Variants in MSH3 observed in about 807,000 individuals in gnomAD.
The protein encoded by MSH3 is DNA mismatch repair protein Msh3.
MSH3 carries 106 observed loss-of-function variants against 123.3 expected under a neutral mutation model. That is an observed-to-expected ratio of 0.86 (90% CI 0.73 to 1.01). MSH3 has a LOEUF of 1.01. Among genes scored for constraint, MSH3 ranks in the 50% least tolerant of loss-of-function variants. The probability of loss-of-function intolerance (pLI) is 0.00; values close to 1 mark genes in which losing one functional copy is unlikely to be tolerated. For missense variants in MSH3, 1,459 were observed against 1,347.6 expected, an observed-to-expected ratio of 1.08 and a Z score of -1.29; for synonymous variants, 515 against 481.4, an observed-to-expected ratio of 1.07 and a Z score of -0.91.
intron 4 of MSH3, among the ~76,000 whole-genome samples, chr5:80,670,965 T>C (rs1418583645): frequency 6.6e-6 from 1 of 151,498 alleles, no homozygotes; most frequent in Non-Finnish European, 1.5e-5. Flanking sequence ...ACTAAAAATA[T>C]TAAAAAAATT....
At chr5:80,865,947 T>C (rs1338752503) in intron 22 of MSH3, among the ~76,000 whole-genome samples, 1 of 152,170 alleles carries the variant, frequency 6.6e-6, no homozygotes, top group Admixed American at 6.5e-5. Flanking sequence ...GGAAGTAGTT[T>C]TGTATCTATT....
intron 2 of MSH3, among the ~76,000 whole-genome samples, chr5:80,663,581 CTT>C (rs1355172479): frequency 1.3e-5 from 2 of 151,178 alleles, no homozygotes; most frequent in Non-Finnish European, 2.9e-5. Context: ...GAGGGAAACT[CTT>C]TGTATAACAT....
intron 19 of MSH3, among the ~76,000 whole-genome samples, chr5:80,799,974 T>C (rs898217877): frequency 4.6e-5 from 7 of 152,250 alleles, no homozygotes; most frequent in Non-Finnish European, 1.0e-4. Context: ...GTTTGTCTTT[T>C]ATTTTTAGAT....
chr5:80,757,121 T>C (rs1349897002), intron 12 of MSH3, among the ~76,000 whole-genome samples: 1 of 152,010 alleles, frequency 6.6e-6, no homozygotes, highest in East Asian at 1.9e-4. Context: ...AGTAGGTCTA[T>C]ATATTAAGGG....
At position 80,707,904 on chromosome 5, in the gene MSH3, A is replaced by C. The variant is rs1234419767; in HGVS notation, c.1341-17549A>C. On this transcript the variant is annotated intron_variant, in intron 8 of 23. Coordinates refer to ENST00000265081, the MANE Select transcript of MSH3 (RefSeq NM_002439.5). ...TGTATGGTGTCATGTTTTATTTTTA[A>C]CTTGCTTTTTCTTGATGACTAGTGA... Among the ~76,000 whole-genome samples the C allele has an allele frequency of 5.3e-5, 8 of 152,190 alleles. No homozygotes were observed. In the East Asian group the frequency reaches 9.6e-4, roughly 18 times the overall value.
At chr5:80,840,101 G>C (rs1220400442) in intron 20 of MSH3, among the ~76,000 whole-genome samples, 2 of 152,110 alleles carry the variant, frequency 1.3e-5, no homozygotes, top group African/African-American at 4.8e-5. Flanking sequence ...TTCTAAAACT[G>C]TTTTTACCTT....
intron 23 of MSH3, among the ~76,000 whole-genome samples, chr5:80,874,634 A>G (rs1474102483): frequency 6.6e-6 from 1 of 152,354 alleles, no homozygotes; most frequent in Non-Finnish European, 1.5e-5. Context: ...AAACTTTACT[A>G]CAAAGGATAT....
intron 20 of MSH3, among the ~76,000 whole-genome samples, chr5:80,837,533 G>A (rs754261041): frequency 2.0e-5 from 3 of 152,098 alleles, no homozygotes; most frequent in Non-Finnish European, 4.4e-5. Context: ...AGCCAAGATC[G>A]TACCATTGTA....
chr5:80,670,130 T>A lies in MSH3; in HGVS notation c.613T>A (p.Ser205Thr), dbSNP rs535548394. ...ACTTTTTGATCTCAGTCAGTTTGGA[T>A]CATCAAATACAAGTCATGAAAATTT... ...TTLFDLSQFG[S>T]SNTSHENLQK... The change falls in exon 4 of 24, where the codon TCA becomes ACA. Residue 205 changes from serine to threonine, a missense_variant. By Grantham distance (58) the Ser-to-Thr change is moderately conservative. Coordinates refer to ENST00000265081, the MANE Select transcript of MSH3 (RefSeq NM_002439.5). 2 of 1,614,102 alleles carry A rather than the reference T, an allele frequency of 1.2e-6. No individual in the cohort carries two copies. The highest frequency in any genetic ancestry group is 2.7e-5 in the African/African-American group (2 of 75,044).
In MSH3 at chr5:80,784,954, C is replaced by T. The variant is rs570806649; in HGVS notation, c.2436-2611C>T. On this transcript the variant is annotated intron_variant, in intron 17 of 23. Transcript: ENST00000265081. ...AAGCTGGATAGTTAAAATGTTGTTT[C>T]TAGTATCTGGAAAAAGTCATTTATG... is the stretch of plus-strand genomic sequence containing the variant. Among the ~76,000 whole-genome samples the T allele has an allele frequency of 9.9e-5, 15 of 152,238 alleles. No individual in the cohort carries two copies. In the South Asian group the frequency reaches 2.7e-3, roughly 27 times the overall value.
intron 12 of MSH3, among the ~76,000 whole-genome samples, chr5:80,751,559 C>A (rs907794196): frequency 6.6e-6 from 1 of 152,116 alleles, no homozygotes; most frequent in Admixed American, 6.5e-5. Flanking sequence ...TGTGCTGGCA[C>A]CCTTTGGCGT....
intron 12 of MSH3, among the ~76,000 whole-genome samples, chr5:80,759,532 A>G (rs1743995236): frequency 6.6e-6 from 1 of 152,228 alleles, no homozygotes; most frequent in Non-Finnish European, 1.5e-5. Flanking sequence ...AGAGTGACAC[A>G]TGATCTCAGG....
At chr5:80,692,425 T>TAGAG (rs1561444902) in intron 8 of MSH3, among the ~76,000 whole-genome samples, 1 of 40,726 alleles carries the variant, frequency 2.5e-5, no homozygotes, top group Non-Finnish European at 4.0e-5. Context: ...TGTATATGTT[T>TAGAG]AGATAGATAA....
chr5:80,689,519 T>C (rs1006069633), intron 8 of MSH3, among the ~76,000 whole-genome samples: 1 of 152,164 alleles, frequency 6.6e-6, no homozygotes, highest in Non-Finnish European at 1.5e-5. Context: ...ATTTATAAAC[T>C]GAAAACTTAG....
At chr5:80,678,141 G>T (rs1160904836) in intron 7 of MSH3, among the ~76,000 whole-genome samples, 1 of 152,178 alleles carries the variant, frequency 6.6e-6, no homozygotes, top group Non-Finnish European at 1.5e-5. Flanking sequence ...AATGCAGCCT[G>T]TAACTAGCCC....
At chr5:80,657,810 A>G (rs1399486279) in intron 2 of MSH3, among the ~76,000 whole-genome samples, 1 of 152,110 alleles carries the variant, frequency 6.6e-6, no homozygotes. Context: ...CTAAGGAGAA[A>G]AGTAAATCTA....
chr5:80,763,387 G>C (rs2112881429), intron 13 of MSH3, among the ~76,000 whole-genome samples: 1 of 152,288 alleles, frequency 6.6e-6, no homozygotes, highest in East Asian at 1.9e-4. Flanking sequence ...ATGGGGCCGG[G>C]GAGCCTATTG....
intron 3 of MSH3, among the ~76,000 whole-genome samples, chr5:80,668,155 G>A (rs930835691): frequency 2.6e-5 from 4 of 152,166 alleles, no homozygotes; most frequent in East Asian, 1.9e-4. Flanking sequence ...GCTCCTCTCC[G>A]CAGGCAGGTT....
intron 20 of MSH3, among the ~76,000 whole-genome samples, chr5:80,831,966 G>A (rs948069945): frequency 1.3e-5 from 2 of 148,304 alleles, no homozygotes; most frequent in East Asian, 2.1e-4. Context: ...AAAATTAGCC[G>A]GGTGTGGTGG....
Sources: allele counts gnomAD v4.1 joint callset (sites outside exome capture counted in the v4.1 genomes callset), GRCh38; gene constraint gnomAD v4.1.1; transcripts MANE v1.5; gene names NCBI Gene and HGNC (gene_info 2026-07-23, HGNC 2026-07-21).